Variants in KCNH5 observed in about 807,000 individuals in gnomAD.
KCNH5 encodes the protein voltage-gated delayed rectifier potassium channel KCNH5.
Under a neutral mutation model 96.1 loss-of-function variants are expected in KCNH5, and 46 were observed. That is an observed-to-expected ratio of 0.48 (90% confidence interval 0.38 to 0.61). The LOEUF (loss-of-function observed/expected upper bound fraction) is 0.61, where lower values mean the gene tolerates loss of function less well. Among genes scored for constraint, KCNH5 ranks in the 20% least tolerant of loss-of-function variants. The probability of loss-of-function intolerance (pLI) is 0.00; values close to 1 mark genes in which losing one functional copy is unlikely to be tolerated. For missense variants in KCNH5, 907 were observed against 1,225.8 expected (o/e 0.74, Z 3.88); for synonymous variants, 439 against 449.8 (o/e 0.98, Z 0.30).
intron 2 of KCNH5, among the ~76,000 whole-genome samples, chr14:63,013,160 A>G (rs1250121908): frequency 1.3e-5 from 2 of 151,966 alleles, no homozygotes; most frequent in South Asian, 2.1e-4. Context: ...AGAAGAAAGA[A>G]ATATTAGCCT....
Position 62,700,743 on chromosome 14 carries a change from T to C in KCNH5, c.*6765A>G, listed in dbSNP as rs1595584750. On this transcript the variant is annotated 3_prime_UTR_variant, in exon 11 of 11. Transcript: ENST00000322893. ...TTTACTAGCTAGGTATTCTTCCTGT[T>C]TGCAGTCTTGGCTTCATCAGGAATC... is the stretch of plus-strand genomic sequence containing the variant. 6.6e-6 allele frequency: 1 copy of C among 152,172 alleles called. No individual in the cohort carries two copies. Among genetic ancestry groups the C allele is most frequent in the East Asian group, 1.9e-4 (1 of 5,200 alleles). The allele number at this position is 152,172 out of a possible 1,614,324, so 9.4% of individuals were successfully genotyped here. A position where few individuals can be genotyped will look rare whatever the true frequency, so the allele number is the denominator to read the frequency against.
At chr14:62,933,028 G>T (rs1889610117) in intron 7 of KCNH5, among the ~76,000 whole-genome samples, 1 of 152,162 alleles carries the variant, frequency 6.6e-6, no homozygotes, top group African/African-American at 2.4e-5. Context: ...CCACAAAAGA[G>T]AAAGGCAAAG....
chr14:62,751,174 T>C (rs573861146), intron 10 of KCNH5, among the ~76,000 whole-genome samples: 1 of 152,290 alleles, frequency 6.6e-6, no homozygotes, highest in African/African-American at 2.4e-5. Flanking sequence ...AAGATACTAC[T>C]GTCTGCAGCT....
intron 1 of KCNH5, among the ~76,000 whole-genome samples, chr14:63,030,316 A>C (rs1307814278): frequency 2.0e-5 from 3 of 152,248 alleles, no homozygotes; most frequent in African/African-American, 7.2e-5. Flanking sequence ...CAAGGATTTC[A>C]GAAGCTGTAA....
intron 8 of KCNH5, among the ~76,000 whole-genome samples, chr14:62,811,240 A>C (rs1446821081): frequency 1.3e-5 from 2 of 152,130 alleles, no homozygotes; most frequent in African/African-American, 4.8e-5. Flanking sequence ...CACATATATT[A>C]TCATGTCATC....
intron 7 of KCNH5, 162 bp downstream of exon 7, chr14:62,949,971 T>C (rs1332104361): frequency 3.2e-6 from 2 of 620,780 alleles, no homozygotes; most frequent in Non-Finnish European, 5.6e-6. Flanking sequence ...ATATATTATT[T>C]TGCATTTCTA....
intron 7 of KCNH5, among the ~76,000 whole-genome samples, chr14:62,864,447 A>C (rs1888094777): frequency 6.6e-6 from 1 of 151,472 alleles, no homozygotes; most frequent in Admixed American, 6.6e-5. Flanking sequence ...GGGACTGTAC[A>C]CAGACTAAGC....
chr14:62,796,014 C>T (rs766757610), intron 9 of KCNH5, among the ~76,000 whole-genome samples: 1 of 152,054 alleles, frequency 6.6e-6, no homozygotes, highest in Non-Finnish European at 1.5e-5. Context: ...CAATTCAGTA[C>T]GGTGAGAATA....
rs566642210 is a variant in KCNH5 at position 62,749,037 on chromosome 14, T to G, written c.2019+30691A>C. 3.3e-5 allele frequency among the ~76,000 whole-genome samples: 5 copies of G among 152,308 alleles called. No homozygotes were observed. In the South Asian group the frequency reaches 6.2e-4, roughly 19 times the overall value. ...CATAGCTTGGGTGATATTATTTGAA[T>G]AGTCTGGAACATACACACAGCACTC... On this transcript the variant is annotated intron_variant, in intron 10 of 10. Transcript: ENST00000322893.
intron 8 of KCNH5, among the ~76,000 whole-genome samples, chr14:62,842,029 T>G (rs542869649): frequency 6.6e-6 from 1 of 152,318 alleles, no homozygotes; most frequent in Admixed American, 6.5e-5. Context: ...TACGCTAAAT[T>G]TCAACGTGAT....
intron 6 of KCNH5, among the ~76,000 whole-genome samples, chr14:62,972,518 T>C (rs996719929): frequency 4.6e-5 from 7 of 152,234 alleles, no homozygotes; most frequent in Admixed American, 3.9e-4. Flanking sequence ...TACCCAAATA[T>C]GTTTAAAACT....
intron 7 of KCNH5, among the ~76,000 whole-genome samples, chr14:62,909,970 T>A (rs1032132920): frequency 6.6e-6 from 1 of 152,132 alleles, no homozygotes; most frequent in African/African-American, 2.4e-5. Flanking sequence ...CATTAGAATA[T>A]CAGCTTCATT....
chr14:62,717,064 A>G (rs560014663), intron 10 of KCNH5, among the ~76,000 whole-genome samples: 15 of 152,316 alleles, frequency 9.8e-5, no homozygotes, highest in African/African-American at 3.6e-4. Flanking sequence ...AGGAGAATAA[A>G]AGGAATAAAT....
chr14:62,777,118 C>T (rs1886113895), intron 10 of KCNH5, among the ~76,000 whole-genome samples: 1 of 152,064 alleles, frequency 6.6e-6, no homozygotes, highest in Non-Finnish European at 1.5e-5. Flanking sequence ...GCAATAAGAA[C>T]AAAATGTTTT....
intron 7 of KCNH5, among the ~76,000 whole-genome samples, chr14:62,868,938 G>A (rs1394208339): frequency 6.6e-6 from 1 of 152,194 alleles, no homozygotes; most frequent in Non-Finnish European, 1.5e-5. Flanking sequence ...GTCTATCACT[G>A]ATGGGCATTT....
At chr14:62,976,197 G>A (rs563046928) in intron 6 of KCNH5, among the ~76,000 whole-genome samples, 1 of 151,586 alleles carries the variant, frequency 6.6e-6, no homozygotes, top group Non-Finnish European at 1.5e-5. Context: ...TCAAGAGATC[G>A]AGACCATCCT....
chr14:63,003,534 T>G (rs1176316119), intron 3 of KCNH5, among the ~76,000 whole-genome samples: 16 of 114,784 alleles, frequency 1.4e-4, no homozygotes, highest in African/African-American at 4.1e-4. Flanking sequence ...TTTATATATA[T>G]TATATATTAT....
intron 7 of KCNH5, among the ~76,000 whole-genome samples, chr14:62,850,913 C>T (rs1887791045): frequency 6.6e-6 from 1 of 152,184 alleles, no homozygotes; most frequent in Admixed American, 6.6e-5. Flanking sequence ...ATCCTACATC[C>T]TCCAAGCATT....
chr14:62,927,857 A>C (rs1212281232), intron 7 of KCNH5, among the ~76,000 whole-genome samples: 1 of 152,100 alleles, frequency 6.6e-6, no homozygotes, highest in Non-Finnish European at 1.5e-5. Context: ...GTATCCTTAA[A>C]AATTGTTAAG....
Sources: allele counts gnomAD v4.1 joint callset (sites outside exome capture counted in the v4.1 genomes callset), GRCh38; gene constraint gnomAD v4.1.1; transcripts MANE v1.5; gene names NCBI Gene and HGNC (gene_info 2026-07-23, HGNC 2026-07-21).